Variants in EYA1 observed in about 807,000 individuals in gnomAD.
EYA1 encodes the protein EYA transcriptional coactivator and phosphatase 1.
EYA1 carries 16 observed loss-of-function variants against 82.0 expected under a neutral mutation model. The observed-to-expected ratio is 0.20, with a 90% CI of 0.13 to 0.30. EYA1 has a LOEUF of 0.30. Ranked by LOEUF, EYA1 falls within the 10% of genes least tolerant of loss-of-function variation. The pLI, the probability that EYA1 is intolerant of heterozygous loss-of-function variation, is 1.00. For missense variants in EYA1, 633 were observed against 730.7 expected (o/e 0.87, Z 1.54); for synonymous variants, 261 against 264.4 (o/e 0.99, Z 0.12).
intron 2 of EYA1, among the ~76,000 whole-genome samples, chr8:71,452,123 T>C (rs1201559268): frequency 1.3e-5 from 2 of 152,188 alleles, no homozygotes; most frequent in Non-Finnish European, 2.9e-5. Flanking sequence ...GGAGATTATA[T>C]CCCACGCATG....
intron 2 of EYA1, among the ~76,000 whole-genome samples, chr8:71,512,214 C>G (rs976425795): frequency 1.3e-5 from 2 of 152,118 alleles, no homozygotes; most frequent in Non-Finnish European, 2.9e-5. Context: ...TTCAGAGTGG[C>G]TTCCTGAATG....
At position 71,354,071 on chromosome 8, in the gene EYA1, C is replaced by A. The variant is rs996344959; in HGVS notation, c.124+711G>T. Among the ~76,000 whole-genome samples, 5 of 151,896 alleles carry A rather than the reference C, an allele frequency of 3.3e-5. No individual in the cohort carries two copies. In the East Asian group the frequency reaches 9.6e-4, roughly 29 times the overall value. On this transcript the variant is annotated intron_variant, in intron 3 of 17. Coordinates refer to ENST00000340726, the MANE Select transcript of EYA1 (RefSeq NM_000503.6). ...TAACAGGTAGCAAAAATACATATAA[C>A]CTTATATGTTTAATCTTAAGTATAC...
chr8:71,537,991 C>T (rs1191723745), intron 1 of EYA1, among the ~76,000 whole-genome samples: 1 of 152,172 alleles, frequency 6.6e-6, no homozygotes, highest in East Asian at 1.9e-4. Flanking sequence ...CAGGTAGATG[C>T]CTCCAGTAAA....
chr8:71,446,277 G>A (rs1045580144), intron 2 of EYA1, among the ~76,000 whole-genome samples: 30 of 152,074 alleles, frequency 2.0e-4, no homozygotes, highest in African/African-American at 7.2e-4. Flanking sequence ...TGTATCATGG[G>A]GGTGGTTTCC....
chr8:71,374,822 C>A (rs1049923493), intron 2 of EYA1, among the ~76,000 whole-genome samples: 6 of 151,916 alleles, frequency 3.9e-5, no homozygotes, highest in Non-Finnish European at 8.8e-5. Flanking sequence ...ATAATTCAGC[C>A]TTAAAAAAAG....
At chr8:71,525,192 A>G (rs1813716504) in intron 2 of EYA1, among the ~76,000 whole-genome samples, 1 of 152,202 alleles carries the variant, frequency 6.6e-6, no homozygotes, top group Non-Finnish European at 1.5e-5. Context: ...ATCGCCTGAC[A>G]AACCCACTCT....
chr8:71,395,614 A>G (rs1041516935), intron 2 of EYA1, among the ~76,000 whole-genome samples: 1 of 152,126 alleles, frequency 6.6e-6, no homozygotes, highest in Non-Finnish European at 1.5e-5. Flanking sequence ...GCATATGTTG[A>G]ATCAGCCTTG....
chr8:71,476,583 T>C (rs183920397), intron 2 of EYA1, among the ~76,000 whole-genome samples: 1 of 152,104 alleles, frequency 6.6e-6, no homozygotes, highest in Admixed American at 6.5e-5. Flanking sequence ...AAGAGCTAAA[T>C]ACATGGAAAG....
rs780552622 is a variant in EYA1, at chr8:71,395,501, AG to A, written c.34-38991del. 1.3e-4 allele frequency among the ~76,000 whole-genome samples: 20 copies of A among 152,204 alleles called. 1 individual carries two copies. Among genetic ancestry groups the A allele is most frequent in the Non-Finnish European group, 1.3e-4 (9 of 68,040 alleles). On this transcript the variant is annotated intron_variant, in intron 2 of 18. Coordinates refer to the EYA1 transcript ENST00000643681. The stretch of plus-strand genomic sequence containing the variant: ...AGTTTATTGAGAGTTTTTAGCATGA[AG>A]GGTTGTTGAATTTTGTCAAAGGCCT...
chr8:71,218,853 C>T (rs1004547458), intron 12 of EYA1, among the ~76,000 whole-genome samples: 2 of 151,674 alleles, frequency 1.3e-5, no homozygotes, highest in East Asian at 1.9e-4. Context: ...AAGGCCATAG[C>T]GCCATGATGG....
rs115011210 is a variant in EYA1 at position 71,259,911 on chromosome 8, T to C, written c.1050+9829A>G. Among the ~76,000 whole-genome samples, 545 of 152,344 alleles carry C rather than the reference T, an allele frequency of 3.6e-3. 4 individuals are homozygous for C. Among genetic ancestry groups the C allele is most frequent in the African/African-American group, 0.012 (519 of 41,576 alleles). On this transcript the variant is annotated intron_variant, in intron 11 of 17. Transcript: ENST00000340726. ...TAAAAGATACTTCCCAAGATTTTTATTGTTGATTTAATAATGCCACAAGTG... is the reference window on the plus strand; with the variant it reads ...TAAAAGATACTTCCCAAGATTTTTACTGTTGATTTAATAATGCCACAAGTG...
chr8:71,344,811 A>T (rs1825533465), intron 3 of EYA1, among the ~76,000 whole-genome samples: 1 of 152,250 alleles, frequency 6.6e-6, no homozygotes, highest in East Asian at 1.9e-4. Context: ...GAGCTGGCTC[A>T]GACTCACAAC....
intron 2 of EYA1, among the ~76,000 whole-genome samples, chr8:71,423,453 C>G (rs543374332): frequency 6.6e-6 from 1 of 151,978 alleles, no homozygotes; most frequent in Admixed American, 6.6e-5. Context: ...TGTTTTTATT[C>G]TTCAAACTGG....
At chr8:71,468,938 C>A (rs1481095068) in intron 2 of EYA1, among the ~76,000 whole-genome samples, 2 of 152,062 alleles carry the variant, frequency 1.3e-5, no homozygotes, top group Non-Finnish European at 2.9e-5. Flanking sequence ...TATTCATAAA[C>A]TTTCAAATTA....
intron 2 of EYA1, among the ~76,000 whole-genome samples, chr8:71,396,794 T>A (rs1423003114): frequency 6.6e-6 from 1 of 152,262 alleles, no homozygotes; most frequent in Admixed American, 6.5e-5. Context: ...TCTGTAGATG[T>A]CTGCTAGGTC....
intron 2 of EYA1, among the ~76,000 whole-genome samples, chr8:71,480,341 G>A (rs527554355): frequency 3.3e-5 from 5 of 152,208 alleles, no homozygotes; most frequent in African/African-American, 1.2e-4. Context: ...TGAGATTACC[G>A]GGGTACAAAA....
intron 2 of EYA1, among the ~76,000 whole-genome samples, chr8:71,489,788 C>T (rs948785451): frequency 1.3e-5 from 2 of 152,232 alleles, no homozygotes; most frequent in African/African-American, 2.4e-5. Flanking sequence ...TCATAGAGAA[C>T]GACATGTATT....
chr8:71,502,239 T>G (rs1811863404), intron 2 of EYA1, among the ~76,000 whole-genome samples: 1 of 152,234 alleles, frequency 6.6e-6, no homozygotes, highest in Non-Finnish European at 1.5e-5. Context: ...CCATGACAGA[T>G]ATGTGAGCTG....
intron 2 of EYA1, among the ~76,000 whole-genome samples, chr8:71,472,703 T>C (rs1456950198): frequency 6.6e-6 from 1 of 150,568 alleles, no homozygotes; most frequent in East Asian, 2.0e-4. Flanking sequence ...GACGTACAAC[T>C]CAGGCTGCCT....
Sources: allele counts gnomAD v4.1 joint callset (sites outside exome capture counted in the v4.1 genomes callset), GRCh38; gene constraint gnomAD v4.1.1; transcripts MANE v1.5; gene names NCBI Gene and HGNC (gene_info 2026-07-23, HGNC 2026-07-21).